ARHGAP6: variants seen among roughly 807,000 people sequenced by gnomAD.
The protein encoded by ARHGAP6 is Rho GTPase activating protein 6.
Under a neutral mutation model 55.7 loss-of-function variants are expected in ARHGAP6, and 16 were observed. The observed-to-expected ratio is 0.29, with a 90% CI of 0.19 to 0.44. The LOEUF (loss-of-function observed/expected upper bound fraction) is 0.44, where lower values mean the gene tolerates loss of function less well. Ranked by LOEUF, ARHGAP6 falls within the 20% of genes least tolerant of loss-of-function variation. The pLI is 1.00. For synonymous variants in ARHGAP6, 382 were observed against 360.9 expected (o/e 1.06, Z -0.66); for missense variants, 698 against 808.9 (o/e 0.86, Z 1.66).
At chrX:11,419,456 A>G (rs2049793258) in intron 1 of ARHGAP6, among the ~76,000 whole-genome samples, 1 of 112,412 alleles carries the variant, frequency 8.9e-6, no homozygotes, top group African/African-American at 3.2e-5. Flanking sequence ...GCATCTTAAC[A>G]TGAATGGAAC....
intron 1 of ARHGAP6, among the ~76,000 whole-genome samples, chrX:11,346,143 A>C (rs1457156144): frequency 3.6e-5 from 4 of 110,671 alleles, no homozygotes; most frequent in Non-Finnish European, 7.6e-5. Context: ...GAAGCACTAC[A>C]CTCCCCTGTA....
At chrX:11,596,069 A>C (rs1352669753) in intron 1 of ARHGAP6, among the ~76,000 whole-genome samples, 1 of 112,229 alleles carries the variant, frequency 8.9e-6, no homozygotes, top group African/African-American at 3.2e-5. Context: ...ATCCCATTAC[A>C]GGGTATGTAC....
chrX:11,488,821 C>T (rs1398605392), intron 1 of ARHGAP6, among the ~76,000 whole-genome samples: 1 of 111,648 alleles, frequency 9.0e-6, no homozygotes, highest in South Asian at 3.8e-4. Flanking sequence ...AACCATCCCC[C>T]CCACAACCCT....
intron 1 of ARHGAP6, among the ~76,000 whole-genome samples, chrX:11,436,696 T>A (rs754025577): frequency 8.9e-6 from 1 of 112,253 alleles, no homozygotes; most frequent in African/African-American, 3.2e-5. Context: ...AATGAAAGAT[T>A]ACTTGGCCAT....
At chrX:11,183,045 C>T (rs190055039) in intron 5 of ARHGAP6, among the ~76,000 whole-genome samples, 2 of 111,336 alleles carry the variant, frequency 1.8e-5, no homozygotes, top group Admixed American at 9.6e-5. Context: ...ACTATCGTGT[C>T]GCATGAATTT....
chrX:11,527,733 C>A (rs1947034392), intron 1 of ARHGAP6, among the ~76,000 whole-genome samples: 1 of 112,424 alleles, frequency 8.9e-6, no homozygotes, highest in Non-Finnish European at 1.9e-5. Flanking sequence ...GAATACAGGT[C>A]ACTCAGTTAA....
chrX:11,352,513 C>T (rs2048875661), intron 1 of ARHGAP6, among the ~76,000 whole-genome samples: 1 of 112,002 alleles, frequency 8.9e-6, no homozygotes, highest in South Asian at 3.8e-4. Flanking sequence ...TAGAGGATCT[C>T]CCATATCTGA....
At chrX:11,344,131 G>A (rs191541504) in intron 1 of ARHGAP6, among the ~76,000 whole-genome samples, 67 of 111,369 alleles carry the variant, frequency 6.0e-4, no homozygotes, top group African/African-American at 2.0e-3. Flanking sequence ...CTTAAATCAG[G>A]GTTACTCAAT....
chrX:11,312,579 C>A (rs1404345306), intron 1 of ARHGAP6, among the ~76,000 whole-genome samples: 2 of 111,322 alleles, frequency 1.8e-5, no homozygotes, highest in Non-Finnish European at 3.8e-5. Context: ...TCTCTTCTGG[C>A]AAATGTTTTG....
chrX:11,423,602 G>A (rs1411405253), intron 1 of ARHGAP6, among the ~76,000 whole-genome samples: 3 of 112,193 alleles, frequency 2.7e-5, no homozygotes. Flanking sequence ...GAGCAGCTTA[G>A]GACCTCAAAA....
chrX:11,413,205 C>T (rs773714776), intron 1 of ARHGAP6, among the ~76,000 whole-genome samples: 6 of 112,402 alleles, frequency 5.3e-5, no homozygotes, highest in South Asian at 3.7e-4. Flanking sequence ...GACAAAGACT[C>T]GTGGACATTA....
rs756629019 is a variant in ARHGAP6, at chrX:11,277,362, G to A, written c.589-22655C>T. Among the ~76,000 whole-genome samples, 12 of 108,826 alleles carry A rather than the reference G, an allele frequency of 1.1e-4. No individual in the cohort carries two copies. In the East Asian group the frequency reaches 1.1e-3, roughly 10 times the overall value. The allele number at this position is 108,826 out of a possible 115,157, so 94.5% of individuals were successfully genotyped here. The stretch of plus-strand genomic sequence containing the variant: ...ATATTCATACACACTTTGTGTGAAC[G>A]TAGGTTTTCAATGATTTTGGGTATA... On this transcript the variant is annotated intron_variant, in intron 1 of 12. Coordinates refer to ENST00000337414, the MANE Select transcript of ARHGAP6 (RefSeq NM_013427.3).
At chrX:11,158,158 A>T (rs773200444) in intron 9 of ARHGAP6, among the ~76,000 whole-genome samples, 1 of 112,064 alleles carries the variant, frequency 8.9e-6, no homozygotes, top group South Asian at 3.7e-4. Flanking sequence ...GCCTTAGCTC[A>T]AGGGTGAAGT....
At chrX:11,402,125 A>C (rs1018409654) in intron 1 of ARHGAP6, among the ~76,000 whole-genome samples, 1 of 112,023 alleles carries the variant, frequency 8.9e-6, no homozygotes, top group Admixed American at 9.5e-5. Flanking sequence ...ATTAGTAGAT[A>C]CAAGAGTTGG....
chrX:11,186,696 C>T (rs890034620), intron 4 of ARHGAP6, among the ~76,000 whole-genome samples: 6 of 111,886 alleles, frequency 5.4e-5, no homozygotes, highest in South Asian at 7.4e-4. Flanking sequence ...GAAGAACAAG[C>T]GATGGGAAAC....
intron 6 of ARHGAP6, among the ~76,000 whole-genome samples, chrX:11,181,196 C>T (rs1280721656): frequency 9.0e-6 from 1 of 111,689 alleles, no homozygotes; most frequent in Non-Finnish European, 1.9e-5. Flanking sequence ...AAAAACCAAC[C>T]AACCAATCAG....
intron 1 of ARHGAP6, among the ~76,000 whole-genome samples, chrX:11,613,739 G>A (rs113044953): frequency 8.9e-6 from 1 of 112,211 alleles, no homozygotes; most frequent in Non-Finnish European, 1.9e-5. Context: ...CCATTCTTTG[G>A]AAAAGAGAAA....
chrX:11,493,675 G>C (rs1296810494), intron 1 of ARHGAP6, among the ~76,000 whole-genome samples: 1 of 111,195 alleles, frequency 9.0e-6, no homozygotes, highest in Non-Finnish European at 1.9e-5. Flanking sequence ...GAGTCCAGAT[G>C]TAAGAGCAAA....
At chrX:11,364,946 CATG>C (rs750289118) in intron 1 of ARHGAP6, among the ~76,000 whole-genome samples, 6 of 110,057 alleles carry the variant, frequency 5.5e-5, no homozygotes, top group South Asian at 4.0e-4. Flanking sequence ...GACTTAGTCA[CATG>C]ATGACAGTTA....
Sources: allele counts gnomAD v4.1 joint callset (sites outside exome capture counted in the v4.1 genomes callset), GRCh38; gene constraint gnomAD v4.1.1; transcripts MANE v1.5; gene names NCBI Gene and HGNC (gene_info 2026-07-23, HGNC 2026-07-21).